Variants in NEXN observed in about 807,000 individuals in gnomAD.
NEXN encodes the protein nexilin.
In NEXN, 65 loss-of-function variants were observed where a neutral mutation model predicts 92.6. The observed-to-expected ratio is 0.70, with a 90% CI of 0.57 to 0.86. The LOEUF is 0.86. Among genes scored for constraint, NEXN ranks in the 40% least tolerant of loss-of-function variants. The pLI, the probability that NEXN is intolerant of heterozygous loss-of-function variation, is 0.00. For missense variants in NEXN, 778 were observed against 771.1 expected (o/e 1.01, Z -0.11); for synonymous variants, 254 against 242.5 (o/e 1.05, Z -0.44).
At chr1:77,939,464 ACAT>A (rs1167346724) in intron 11 of NEXN, among the ~76,000 whole-genome samples, 10 of 152,224 alleles carry the variant, frequency 6.6e-5, no homozygotes, top group Non-Finnish European at 7.3e-5. Context: ...GACTGGCCAA[ACAT>A]CAGCCTTTAT....
chr1:77,942,056 A>C lies in NEXN; in HGVS notation c.1507A>C (p.Ser503Arg). 1.2e-6 allele frequency: 2 copies of C among 1,613,554 alleles called. No individual in the cohort carries two copies. Among genetic ancestry groups the C allele is most frequent in the South Asian group, 2.2e-5 (2 of 91,004 alleles). The change falls in exon 12 of 13, where the codon AGC becomes CGC. Residue 503 changes from serine to arginine, a missense_variant. Ser to Arg is a moderately radical substitution (Grantham distance 110). Around this residue, in one of 3 missense-constraint regions of NEXN, gnomAD observed 532 missense variants for 476.7 expected, o/e 1.12. Transcript: ENST00000334785. ...TGTTGATGTTAGGCCTGCAAGAAAAAGCGAGGCTCCATTTACTCACAAAGT... is the reference window on the plus strand; with the variant it reads ...TGTTGATGTTAGGCCTGCAAGAAAACGCGAGGCTCCATTTACTCACAAAGT... ...DDVDVRPARK[S>R]EAPFTHKVNM...
chr1:77,891,581 C>T (rs748679276), intron 1 of NEXN, among the ~76,000 whole-genome samples: 49 of 152,000 alleles, frequency 3.2e-4, no homozygotes, highest in Non-Finnish European at 5.7e-4. Context: ...GGCCTCTTCC[C>T]TGTCTTTTCT....
In NEXN at chr1:77,926,557, A is replaced by G. The variant is rs745502254; in HGVS notation, c.633A>G (p.Arg211=). Residue 211 remains arginine (R), a synonymous_variant, in exon 7 of 13, where the codon AGA becomes AGG. Transcript: ENST00000334785. ...RIKYEEDKRI[R]YEEQRPSLKE... The stretch of plus-strand genomic sequence containing the variant: ...AGTACGAGGAAGATAAAAGAATAAG[A>G]TATGAAGAACAACGACCATCTCTCA... 1 of 1,613,928 alleles carries G rather than the reference A, an allele frequency of 6.2e-7. No individual in the cohort carries two copies. Among genetic ancestry groups the G allele is most frequent in the South Asian group, 1.1e-5 (1 of 91,078 alleles).
intron 5 of NEXN, among the ~76,000 whole-genome samples, chr1:77,920,721 T>C (rs980207325): frequency 6.6e-6 from 1 of 152,084 alleles, no homozygotes; most frequent in Non-Finnish European, 1.5e-5. Flanking sequence ...GATTTGATAT[T>C]ATCTGTTTAT....
chr1:77,930,737 A>AATAG (rs1650220411), intron 9 of NEXN, among the ~76,000 whole-genome samples: 2 of 151,778 alleles, frequency 1.3e-5, no homozygotes, highest in Admixed American at 6.6e-5. Context: ...GATGTCCCTC[A>AATAG]CTCCTTTCCC....
At chr1:77,890,051 G>A (rs1183573525) in intron 1 of NEXN, among the ~76,000 whole-genome samples, 1 of 152,104 alleles carries the variant, frequency 6.6e-6, no homozygotes, top group African/African-American at 2.4e-5. Context: ...TTTTGAGTTT[G>A]GGGTATTGTT....
intron 5 of NEXN, among the ~76,000 whole-genome samples, chr1:77,923,176 T>G (rs1649574377): frequency 6.7e-6 from 1 of 149,352 alleles, no homozygotes; most frequent in South Asian, 2.1e-4. Flanking sequence ...TTTTTTTTTT[T>G]TTTGTAGAGA....
chr1:77,905,747 A>C (rs1648067353), intron 1 of NEXN, among the ~76,000 whole-genome samples: 1 of 152,156 alleles, frequency 6.6e-6, no homozygotes, highest in African/African-American at 2.4e-5. Context: ...GTGTAAGCAA[A>C]CAGGAGAAGC....
At position 77,913,391 on chromosome 1, in the gene NEXN, G is replaced by C. The variant is rs565068140; in HGVS notation, c.-52-2664G>C. Among the ~76,000 whole-genome samples the C allele has an allele frequency of 2.6e-5, 4 of 151,518 alleles. No individual in the cohort carries two copies. The East Asian group carries it at 7.7e-4, about 29-fold the overall frequency. ...GATCATGCCACTGCTCTCTAGCCTGGGTGACAGTGCAAGACTCCATCTCAA... is the reference window on the plus strand; with the variant it reads ...GATCATGCCACTGCTCTCTAGCCTGCGTGACAGTGCAAGACTCCATCTCAA... On this transcript the variant is annotated intron_variant, in intron 1 of 12. Coordinates refer to ENST00000334785, the MANE Select transcript of NEXN (RefSeq NM_144573.4).
rs2102124806 is a variant in NEXN at position 77,926,787 on chromosome 1, A to G, written c.759A>G (p.Glu253=). 1 of 1,614,038 alleles carries G rather than the reference A, an allele frequency of 6.2e-7. No individual in the cohort carries two copies. Among genetic ancestry groups the G allele is most frequent in the African/African-American group, 1.3e-5 (1 of 75,048 alleles). The change falls in exon 8 of 13, where the codon GAA becomes GAG. Residue 253 remains glutamate (E), a synonymous_variant. Coordinates refer to ENST00000334785, the MANE Select transcript of NEXN (RefSeq NM_144573.4). ...SPGKLKLTFE[E]LERQRQENRK... is the part of the protein sequence containing the mutation. Reference sequence around the variant, plus strand: ...GAAAATTGAAACTAACTTTTGAAGAACTGGAGCGACAAAGACAAGAAAACC... The same window carrying G: ...GAAAATTGAAACTAACTTTTGAAGAGCTGGAGCGACAAAGACAAGAAAACC...
In NEXN at chr1:77,943,598, T is replaced by G. The variant is rs1651588692; in HGVS notation, c.*769T>G. The G allele has an allele frequency of 6.6e-6, 1 of 152,046 alleles. No homozygotes were observed. The highest frequency in any genetic ancestry group is 2.4e-5 in the African/African-American group (1 of 41,428). The allele number at this position is 152,046 out of a possible 1,614,324, so 9.4% of individuals were successfully genotyped here. A position where few individuals can be genotyped will look rare whatever the true frequency, so the allele number is the denominator to read the frequency against. On this transcript the variant is annotated 3_prime_UTR_variant, in exon 13 of 13. Coordinates refer to ENST00000334785, the MANE Select transcript of NEXN (RefSeq NM_144573.4). ...CAAACGTATGTAATATATATTAAAT[T>G]TATAAAGCAAATTTATGTTGTGATC...
chr1:77,893,221 G>T (rs1647147988), intron 1 of NEXN, among the ~76,000 whole-genome samples: 1 of 152,038 alleles, frequency 6.6e-6, no homozygotes, highest in South Asian at 2.1e-4. Context: ...GAGTTTTTGT[G>T]ACTCCTACAG....
intron 5 of NEXN, among the ~76,000 whole-genome samples, chr1:77,921,779 C>T (rs944631997): frequency 3.3e-5 from 5 of 151,686 alleles, no homozygotes; most frequent in African/African-American, 4.8e-5. Context: ...AGCATGGTGG[C>T]GCATGTCTGC....
chr1:77,943,054 C>A lies in NEXN; in HGVS notation c.*225C>A. 1.8e-6 allele frequency: 1 copy of A among 551,974 alleles called. No homozygotes were observed. The allele number at this position is 551,974 out of a possible 1,614,324, so 34.2% of individuals were successfully genotyped here. A position where few individuals can be genotyped will look rare whatever the true frequency, so the allele number is the denominator to read the frequency against. ...TTCCTTTTCATAACAGTCTTCAAAGCACAGCTCATCTAAAGAATGCCTACT... is the reference window on the plus strand; with the variant it reads ...TTCCTTTTCATAACAGTCTTCAAAGAACAGCTCATCTAAAGAATGCCTACT... On this transcript the variant is annotated 3_prime_UTR_variant, in exon 13 of 13. Transcript: ENST00000334785.
In NEXN at chr1:77,917,941, AATTT is replaced by A. The variant is rs751831143; in HGVS notation, c.220-13_220-10del. On this transcript the variant is annotated splice_polypyrimidine_tract_variant and intron_variant, in intron 3 of 12. Coordinates refer to ENST00000334785, the MANE Select transcript of NEXN (RefSeq NM_144573.4). Reference sequence around the variant, plus strand: ...TAATTTTTGGACATGTGCTCACATTAATTTATTTAACCATCTAGATTAAAGAAAT... The same window carrying A: ...TAATTTTTGGACATGTGCTCACATTAATTTAACCATCTAGATTAAAGAAAT... 6 of 1,592,960 alleles carry A rather than the reference AATTT, an allele frequency of 3.8e-6. No homozygotes were observed. The highest frequency in any genetic ancestry group is 1.1e-5 in the South Asian group (1 of 90,512).
At position 77,942,937 on chromosome 1, in the gene NEXN, T is replaced by C. The variant is rs1046796449; in HGVS notation, c.*108T>C. 2.8e-6 allele frequency: 4 copies of C among 1,431,206 alleles called. No individual in the cohort carries two copies. Among genetic ancestry groups the C allele is most frequent in the South Asian group, 1.2e-5 (1 of 80,734 alleles). 88.7% of individuals were successfully genotyped at this position (1,431,206 alleles called of 1,614,324 possible). A position where few individuals can be genotyped will look rare whatever the true frequency, so the allele number is the denominator to read the frequency against. ...AGCTCCCCTCCCCTCTCCCTGGAAC[T>C]TTCTCTTTCACTCCAACTTTCTTAC... On this transcript the variant is annotated 3_prime_UTR_variant, in exon 13 of 13. Transcript: ENST00000334785.
intron 1 of NEXN, among the ~76,000 whole-genome samples, chr1:77,912,983 C>T (rs1291933471): frequency 6.6e-6 from 1 of 152,102 alleles, no homozygotes; most frequent in East Asian, 1.9e-4. Flanking sequence ...GCAAAAGACA[C>T]TGTGAAAAGA....
rs750862476 is a variant in NEXN, at chr1:77,926,597, C to T, written c.673C>T (p.Leu225Phe). 6.2e-7 allele frequency: 1 copy of T among 1,613,902 alleles called. No individual in the cohort carries two copies. The highest frequency in any genetic ancestry group is 1.3e-5 in the African/African-American group (1 of 75,024). Residue 225 changes from leucine (L) to phenylalanine (F), a missense_variant, in exon 7 of 13, where the codon CTT becomes TTT. By Grantham distance (22) the Leu-to-Phe change is conservative. Coordinates refer to ENST00000334785, the MANE Select transcript of NEXN (RefSeq NM_144573.4). ...ACCATCTCTCAAGGAAGCAAAGTGT[C>T]TTTCATTAGTTATGGTAAATTTTTG... is the stretch of plus-strand genomic sequence containing the variant. ...QRPSLKEAKC[L>F]SLVMDDEIES...
rs559226754 is a variant in NEXN at position 77,895,029 on chromosome 1, A to ATTTTTTT, written c.-53+6297_-53+6303dup. Among the ~76,000 whole-genome samples, 53 of 61,662 alleles carry ATTTTTTT rather than the reference A, an allele frequency of 8.6e-4. 2 individuals are homozygous for ATTTTTTT. Among genetic ancestry groups the ATTTTTTT allele is most frequent in the African/African-American group, 1.2e-3 (18 of 14,654 alleles). The allele number at this position is 61,662 out of a possible 152,430, so 40.5% of individuals were successfully genotyped here. A position where few individuals can be genotyped will look rare whatever the true frequency, so the allele number is the denominator to read the frequency against. On this transcript the variant is annotated intron_variant, in intron 1 of 12. Transcript: ENST00000334785. ...CCATCCATGGCCAGCCTATAGTGTAATTTTTTTTTTTTTTTTTTTTTTTTT... is the reference window on the plus strand; with the variant it reads ...CCATCCATGGCCAGCCTATAGTGTAATTTTTTTTTTTTTTTTTTTTTTTTTTTTTTTT...
Sources: gnomAD v4.1 joint callset for allele counts (sites outside exome capture counted in the v4.1 genomes callset) on GRCh38, gnomAD v4.1.1 for gene constraint, gnomAD v4.1.1 regional missense constraint, MANE v1.5 for transcripts, NCBI Gene and HGNC (gene_info 2026-07-23, HGNC 2026-07-21) for gene names.